The following ITPR1 variants were observed in gnomAD, a reference collection of about 807,000 sequenced individuals.
The protein encoded by ITPR1 is inositol 1,4,5-trisphosphate receptor type 1.
In ITPR1, 96 loss-of-function variants were observed where a neutral mutation model predicts 318.4. The observed-to-expected ratio is 0.30, with a 90% CI of 0.26 to 0.36. The LOEUF (loss-of-function observed/expected upper bound fraction) is 0.36. ITPR1 is among the 10% of genes least tolerant of loss of function. ITPR1 has a pLI of 1.00. For missense variants in ITPR1, 2,440 were observed against 3,460.2 expected, an observed-to-expected ratio of 0.71 and a Z score of 7.40; for synonymous variants, 1,312 against 1,289.9, an observed-to-expected ratio of 1.02 and a Z score of -0.37.
intron 39 of ITPR1, among the ~76,000 whole-genome samples, chr3:4,716,373 A>C (rs2041765019): frequency 6.6e-6 from 1 of 152,232 alleles, no homozygotes; most frequent in Non-Finnish European, 1.5e-5. Flanking sequence ...TTTTATTATT[A>C]AACTGCTGTT....
intron 60 of ITPR1, among the ~76,000 whole-genome samples, chr3:4,833,609 G>A (rs2050673697): frequency 6.6e-6 from 1 of 152,178 alleles, no homozygotes; most frequent in African/African-American, 2.4e-5. Context: ...AGGCACGGCG[G>A]CCTTTCACAG....
chr3:4,566,664 G>A (rs1263765537), intron 4 of ITPR1, among the ~76,000 whole-genome samples: 1 of 146,850 alleles, frequency 6.8e-6, no homozygotes, highest in Non-Finnish European at 1.5e-5. Context: ...TGCAAAAATT[G>A]AGGTGTTTCC....
At chr3:4,750,583 C>T (rs1431826861) in intron 44 of ITPR1, 1 of 152,188 alleles carries the variant, frequency 6.6e-6, no homozygotes, top group Non-Finnish European at 1.5e-5. Context: ...TAGGAACCAG[C>T]TTGTTCTCAA....
rs67554405 is a variant in ITPR1, at chr3:4,802,833, AAAAG to A, written c.7107+2247_7107+2250del. The stretch of plus-strand genomic sequence containing the variant: ...GACAGAATGAGACTGATTAAAAAAA[AAAAG>A]AAAGAAAGAAAGAGAAAGAAAGAAA... On this transcript the variant is annotated intron_variant, in intron 54 of 61. Coordinates refer to ENST00000649015, the MANE Select transcript of ITPR1 (RefSeq NM_001378452.1). Among the ~76,000 whole-genome samples the A allele has an allele frequency of 6.9e-3, 1,054 of 152,034 alleles. 8 individuals carry two copies. Among genetic ancestry groups the A allele is most frequent in the Middle Eastern group, 0.01 (3 of 294 alleles).
chr3:4,842,298 G>A (rs1190552440), intron 61 of ITPR1, among the ~76,000 whole-genome samples: 1 of 152,264 alleles, frequency 6.6e-6, no homozygotes, highest in African/African-American at 2.4e-5. Context: ...TTGTATAGAT[G>A]TGAAGAACAG....
chr3:4,838,442 T>A (rs2051091932), intron 61 of ITPR1, among the ~76,000 whole-genome samples: 1 of 149,196 alleles, frequency 6.7e-6, no homozygotes, highest in Non-Finnish European at 1.5e-5. Flanking sequence ...CCCAGTGAGG[T>A]GAACTTCTTT....
At chr3:4,587,308 C>T (rs991908372) in intron 4 of ITPR1, among the ~76,000 whole-genome samples, 6 of 125,662 alleles carry the variant, frequency 4.8e-5, no homozygotes, top group African/African-American at 1.9e-4. Flanking sequence ...GAATCTTGGT[C>T]TGTTGCCCAG....
rs767300204 is a variant in ITPR1 at position 4,710,436 on chromosome 3, G to A, written c.4954G>A (p.Ala1652Thr). The A allele has an allele frequency of 3.2e-5, 50 of 1,554,130 alleles. No individual in the cohort carries two copies. Among genetic ancestry groups the A allele is most frequent in the Non-Finnish European group, 4.0e-5 (46 of 1,148,104 alleles). The change falls in exon 38 of 62, where the codon GCC becomes ACC. Residue 1652 changes from alanine to threonine, a missense_variant. By Grantham distance (58) the Ala-to-Thr change is moderately conservative (BLOSUM62 0). Around this residue, in one of 23 missense-constraint regions of ITPR1, gnomAD observed 166 missense variants for 246.5 expected, o/e 0.67. Coordinates refer to ENST00000649015, the MANE Select transcript of ITPR1 (RefSeq NM_001378452.1). The surrounding 1 kb of genome is among the most constrained non-coding windows in gnomAD (Gnocchi z 4.2). ...GCTGCTTTTCCCAGAGAACACAGAC[G>A]CCAGAAGGAAATGTGAAAGTGGCGG... Reference protein sequence around the residue: ...PELLFPENTDARRKCESGGFI... With the variant: ...PELLFPENTDTRRKCESGGFI...
intron 10 of ITPR1, among the ~76,000 whole-genome samples, chr3:4,648,973 A>G (rs780596278): frequency 2.0e-5 from 3 of 152,324 alleles, no homozygotes; most frequent in Non-Finnish European, 4.4e-5. Context: ...GAGAGGCAGA[A>G]TTTGGTCTTG....
intron 42 of ITPR1, among the ~76,000 whole-genome samples, chr3:4,730,409 G>C (rs934710678): frequency 7.0e-6 from 1 of 143,778 alleles, no homozygotes; most frequent in Non-Finnish European, 1.5e-5. Context: ...GTGTGTGTGT[G>C]TGTGTGTGTG....
At chr3:4,835,315 A>G (rs1319756476) in intron 60 of ITPR1, among the ~76,000 whole-genome samples, 1 of 152,210 alleles carries the variant, frequency 6.6e-6, no homozygotes, top group Non-Finnish European at 1.5e-5. Context: ...TATTTTAAAT[A>G]TATTGATGCC....
chr3:4,570,746 TGGG>T (rs1439962472), intron 4 of ITPR1, among the ~76,000 whole-genome samples: 1 of 152,352 alleles, frequency 6.6e-6, no homozygotes, highest in East Asian at 1.9e-4. Context: ...TTGGCCATTT[TGGG>T]GAGCCAAGTT....
intron 44 of ITPR1, 82 bp from the exon 45 acceptor site, chr3:4,766,448 C>A: frequency 8.3e-7 from 1 of 1,202,022 alleles, no homozygotes; most frequent in Non-Finnish European, 1.2e-6. Context: ...TGGCTCTGAT[C>A]TTCATTAGGT....
chr3:4,587,127 C>G (rs2089985757), intron 4 of ITPR1, among the ~76,000 whole-genome samples: 1 of 152,180 alleles, frequency 6.6e-6, no homozygotes, highest in East Asian at 1.9e-4. Context: ...GGCAGAGTTT[C>G]TCAAACTTTG....
chr3:4,630,934 C>T (rs2092997898), intron 5 of ITPR1, among the ~76,000 whole-genome samples: 1 of 152,078 alleles, frequency 6.6e-6, no homozygotes, highest in African/African-American at 2.4e-5. Flanking sequence ...GTTTAATCTT[C>T]GCATCATTTT....
intron 61 of ITPR1, among the ~76,000 whole-genome samples, chr3:4,838,987 T>G (rs9311419): frequency 2.0e-5 from 3 of 152,186 alleles, no homozygotes; most frequent in African/African-American, 7.2e-5. Flanking sequence ...TACAAACCAT[T>G]GAGCCTCATC....
rs116781170 is a variant in ITPR1 at position 4,796,235 on chromosome 3, G to A, written c.6931+1048G>A. Reference sequence around the variant, plus strand: ...GCTTTTCTGTTTGACCTTAAGTTACGTGGAAGGCACCATCTGAATGCCCCC... The same window carrying A: ...GCTTTTCTGTTTGACCTTAAGTTACATGGAAGGCACCATCTGAATGCCCCC... On this transcript the variant is annotated intron_variant, in intron 53 of 61. Transcript: ENST00000649015. Among the ~76,000 whole-genome samples, 1,297 of 152,122 alleles carry A rather than the reference G, an allele frequency of 8.5e-3. 24 individuals carry two copies. The highest frequency in any genetic ancestry group is 0.027 in the African/African-American group (1,108 of 41,484).
intron 44 of ITPR1, chr3:4,751,572 C>T (rs997475761): frequency 6.6e-6 from 1 of 152,242 alleles, no homozygotes; most frequent in African/African-American, 2.4e-5. Flanking sequence ...AAACCCACCT[C>T]TGCCTTGCCC....
chr3:4,669,536 G>A (rs540732622), intron 18 of ITPR1, 118 bp from the exon 19 acceptor site: 6 of 913,380 alleles, frequency 6.6e-6, no homozygotes, highest in South Asian at 6.0e-5. Context: ...GACTTAGAAT[G>A]CTGCTGACAT....
Sources: gnomAD v4.1 joint callset for allele counts (sites outside exome capture counted in the v4.1 genomes callset) on GRCh38, gnomAD v4.1.1 for gene constraint, gnomAD v4.1.1 regional missense constraint, Gnocchi (gnomAD v3.1) non-coding constraint, MANE v1.5 for transcripts, NCBI Gene and HGNC (gene_info 2026-07-23, HGNC 2026-07-21) for gene names.